FAM181A: variants seen among roughly 807,000 people sequenced by gnomAD.
FAM181A encodes the protein protein FAM181A.
In FAM181A, 7 loss-of-function variants were observed where a neutral mutation model predicts 16.3. The ratio of observed to expected loss-of-function variants is 0.43; its 90% CI spans 0.24 to 0.81. FAM181A has a LOEUF of 0.81. Ranked by LOEUF, FAM181A falls within the 30% of genes least tolerant of loss-of-function variation. FAM181A has a pLI of 0.24. For missense variants in FAM181A, 349 were observed against 377.5 expected, an observed-to-expected ratio of 0.92 and a Z score of 0.63; for synonymous variants, 183 against 164.9, an observed-to-expected ratio of 1.11 and a Z score of -0.84.
Position 93,928,592 on chromosome 14 carries a change from C to G in FAM181A, c.307C>G (p.Pro103Ala). Residue 103 changes from proline (P) to alanine (A), a missense_variant, in exon 2 of 2, where the codon CCC becomes GCC. Pro to Ala is a conservative substitution (Grantham distance 27). Coordinates refer to ENST00000556222, the MANE Select transcript of FAM181A (RefSeq NM_001207073.2). Reference protein sequence around the residue: ...GGCKEKVLRNPYREECLAKEQ... With the variant: ...GGCKEKVLRNAYREECLAKEQ... Reference sequence around the variant, plus strand: ...CTGCAAGGAGAAGGTGCTGAGGAACCCCTACAGGGAGGAATGTCTTGCTAA... The same window carrying G: ...CTGCAAGGAGAAGGTGCTGAGGAACGCCTACAGGGAGGAATGTCTTGCTAA... The G allele has an allele frequency of 6.2e-7, 1 of 1,613,858 alleles. No individual in the cohort carries two copies.
chr14:93,922,278 G>C (rs552663529), intron 1 of FAM181A: 1 of 152,338 alleles, frequency 6.6e-6, no homozygotes, highest in African/African-American at 2.4e-5. Context: ...TAACTCACAA[G>C]GTGACACGCT....
Position 93,929,098 on chromosome 14 carries a change from G to A in FAM181A, c.813G>A (p.Val271=). Residue 271 remains valine, a synonymous_variant, in exon 2 of 2, where the codon GTG becomes GTA. Transcript: ENST00000556222. ...GLGQKVCRPV[V]LKPIPTKPAV... Reference sequence around the variant, plus strand: ...GGCAGAAGGTGTGCAGGCCCGTGGTGCTGAAACCCATCCCCACCAAGCCAG... The same window carrying A: ...GGCAGAAGGTGTGCAGGCCCGTGGTACTGAAACCCATCCCCACCAAGCCAG... 1 of 1,537,884 alleles carries A rather than the reference G, an allele frequency of 6.5e-7. No individual in the cohort carries two copies. Among genetic ancestry groups the A allele is most frequent in the Non-Finnish European group, 8.7e-7 (1 of 1,143,260 alleles).
At chr14:93,924,034 A>T (rs552435183), upstream of FAM181A, 14 of 152,332 alleles carry the variant, frequency 9.2e-5, no homozygotes, top group East Asian at 5.8e-4. Flanking sequence ...GACAAAATTT[A>T]AAAAAATAAG....
chr14:93,928,553 G>A lies in FAM181A; in HGVS notation c.268G>A (p.Gly90Ser), dbSNP rs758244029. ...GGATTTGGGCCCTGATTCCAGCCCC[G>A]GCGGGGGTGGGGGCTGCAAGGAGAA... ...LLDLGPDSSP[G>S]GGGGCKEKVL... Residue 90 changes from glycine to serine, a missense_variant, in exon 2 of 2, where the codon GGC (glycine) becomes AGC (serine). Physicochemically the swap from Gly to Ser is moderately conservative, Grantham distance 56. Transcript: ENST00000556222. 7.4e-6 allele frequency: 12 copies of A among 1,612,934 alleles called. No individual in the cohort carries two copies. Among genetic ancestry groups the A allele is most frequent in the Middle Eastern group, 1.6e-4 (1 of 6,078 alleles).
intron 1 of FAM181A, among the ~76,000 whole-genome samples, chr14:93,921,693 G>A (rs1261302413): frequency 6.6e-6 from 1 of 152,160 alleles, no homozygotes. Context: ...TGGTGTGGTC[G>A]GTCGGGCCTA....
upstream of FAM181A, chr14:93,927,045 C>CACACACACACACACAT (rs1887930942): frequency 6.2e-6 from 1 of 161,968 alleles, no homozygotes; most frequent in African/African-American, 2.4e-5. Context: ...CACACACACA[C>CACACACACACACACAT]ACACACACAC....
upstream of FAM181A, chr14:93,925,256 G>T (rs771087454): frequency 3.1e-6 from 5 of 1,612,468 alleles, no homozygotes; most frequent in Admixed American, 8.3e-5. Flanking sequence ...GAGCTGAGTG[G>T]CTCTAAAATG....
rs1417388206 is a variant in FAM181A, at chr14:93,929,507, C to A, written c.*343C>A. On this transcript the variant is annotated 3_prime_UTR_variant, in exon 2 of 2. Coordinates refer to ENST00000556222, the MANE Select transcript of FAM181A (RefSeq NM_001207073.2). ...AGAGACGCATCTGTTTACCTGCCAC[C>A]CACTCTGCGAGCCAATCTCAGTTGT... The A allele has an allele frequency of 6.2e-6, 2 of 324,196 alleles. No individual in the cohort carries two copies. Among genetic ancestry groups the A allele is most frequent in the Non-Finnish European group, 1.1e-5 (2 of 178,240 alleles). 20.1% of individuals were successfully genotyped at this position (324,196 alleles called of 1,614,324 possible).
intron 1 of FAM181A, 46 bp from the exon 2 acceptor site, chr14:93,928,153 G>C (rs1434298754): frequency 2.5e-6 from 4 of 1,590,922 alleles, no homozygotes; most frequent in Non-Finnish European, 2.6e-6. Context: ...GGGAGGGCTG[G>C]GTGTGGTTGC....
rs1281132250 is a variant in FAM181A at position 93,929,413 on chromosome 14, C to A, written c.*249C>A. 4.2e-6 allele frequency: 2 copies of A among 474,044 alleles called. No homozygotes were observed. The highest frequency in any genetic ancestry group is 1.3e-4 in the South Asian group (2 of 15,598). 29.4% of individuals were successfully genotyped at this position (474,044 alleles called of 1,614,324 possible). A position where few individuals can be genotyped will look rare whatever the true frequency, so the allele number is the denominator to read the frequency against. On this transcript the variant is annotated 3_prime_UTR_variant, in exon 2 of 2. Coordinates refer to ENST00000556222, the MANE Select transcript of FAM181A (RefSeq NM_001207073.2). The stretch of plus-strand genomic sequence containing the variant: ...GGCCAGGGCCCAGCAGCTTGTCCCG[C>A]TGTCCCTGTGCAGACCATAGGTACT...
upstream of FAM181A, among the ~76,000 whole-genome samples, chr14:93,924,291 T>C (rs28402186): frequency 0.013 from 2,023 of 151,844 alleles, 42 homozygotes; most frequent in African/African-American, 0.045. Flanking sequence ...GAGGAGGGGG[T>C]GTTTGAGCTG....
chr14:93,923,124 G>C (rs944070772), upstream of FAM181A, among the ~76,000 whole-genome samples: 1 of 152,066 alleles, frequency 6.6e-6, no homozygotes, highest in Non-Finnish European at 1.5e-5. Flanking sequence ...ACAGGCACCC[G>C]CCACCACACC....
At position 93,928,862 on chromosome 14, in the gene FAM181A, G is replaced by A. The variant is rs1412959698; in HGVS notation, c.577G>A (p.Glu193Lys). 6.2e-7 allele frequency: 1 copy of A among 1,614,014 alleles called. No individual in the cohort carries two copies. Among genetic ancestry groups the A allele is most frequent in the Non-Finnish European group, 8.5e-7 (1 of 1,180,004 alleles). The change falls in exon 2 of 2, where the codon GAA (glutamate) becomes AAA (lysine). Residue 193 changes from glutamate to lysine, a missense_variant. By Grantham distance (56) the Glu-to-Lys change is moderately conservative. Coordinates refer to ENST00000556222, the MANE Select transcript of FAM181A (RefSeq NM_001207073.2). ...GTCCATGTCTCCAAGGGCCCTGGCT[G>A]AAAAGGAGCCGCTCAAGATGCCTGG... The part of the protein sequence containing the change: ...LVSMSPRALA[E>K]KEPLKMPGVS...
chr14:93,920,332 C>T (rs1285871566), intron 1 of FAM181A, among the ~76,000 whole-genome samples: 1 of 152,082 alleles, frequency 6.6e-6, no homozygotes, highest in Non-Finnish European at 1.5e-5. Flanking sequence ...GGGAGGATTG[C>T]TTGAGTCCAG....
rs530318003 is a variant in FAM181A at position 93,928,324 on chromosome 14, C to T, written c.39C>T (p.Phe13=). The change falls in exon 2 of 2, where the codon TTC becomes TTT. Residue 13 remains phenylalanine, a synonymous_variant. Transcript: ENST00000556222. ...SDSDVKMLLN[F]VNLASSDIKA... ...GTGATGTGAAGATGCTGCTGAACTTCGTGAACCTGGCGTCCAGCGACATCA... is the reference window on the plus strand; with the variant it reads ...GTGATGTGAAGATGCTGCTGAACTTTGTGAACCTGGCGTCCAGCGACATCA... 93 of 1,613,850 alleles carry T rather than the reference C, an allele frequency of 5.8e-5. No individual in the cohort carries two copies. The highest frequency in any genetic ancestry group is 3.3e-4 in the Middle Eastern group (2 of 6,062).
upstream of FAM181A, chr14:93,925,389 G>A (rs759223980): frequency 1.2e-6 from 2 of 1,606,910 alleles, no homozygotes; most frequent in South Asian, 2.2e-5. Flanking sequence ...GTAGTCAGAT[G>A]CCAGCTGCTG....
chr14:93,920,412 A>G (rs1887680133), intron 1 of FAM181A, among the ~76,000 whole-genome samples: 1 of 151,994 alleles, frequency 6.6e-6, no homozygotes. Context: ...ACCTTGTCTC[A>G]AAAAAAGAAG....
At chr14:93,927,024 C>T (rs1302802373), upstream of FAM181A, 1 of 20,006 alleles carries the variant, frequency 5.0e-5, no homozygotes, top group Middle Eastern at 0.038. Context: ...CAATCCTGGA[C>T]ATTTTAAACA....
rs750076413 is a variant in FAM181A, at chr14:93,928,714, A to C, written c.429A>C (p.Pro143=). The C allele has an allele frequency of 4.7e-5, 76 of 1,613,880 alleles. No individual in the cohort carries two copies. The highest frequency in any genetic ancestry group is 6.0e-5 in the Non-Finnish European group (71 of 1,179,986). The change falls in exon 2 of 2, where the codon CCA becomes CCC. Residue 143 remains proline (P), a synonymous_variant. Coordinates refer to ENST00000556222, the MANE Select transcript of FAM181A (RefSeq NM_001207073.2). ...TGCCCGCTTCCTTCTGGGAAGAGCC[A>C]AGGCCCACCCACAGCTACCATGTGG... ...RQLPASFWEE[P]RPTHSYHVGL... is the part of the protein sequence containing the mutation.
Sources: allele counts gnomAD v4.1 joint callset (sites outside exome capture counted in the v4.1 genomes callset), GRCh38; gene constraint gnomAD v4.1.1; transcripts MANE v1.5; gene names NCBI Gene and HGNC (gene_info 2026-07-23, HGNC 2026-07-21).